Variants in NRK observed in about 807,000 individuals in gnomAD.
NRK encodes the protein nik-related protein kinase.
Under a neutral mutation model 125.2 loss-of-function variants are expected in NRK, and 67 were observed. The ratio of observed to expected loss-of-function variants is 0.54; its 90% CI spans 0.44 to 0.66. NRK has a LOEUF of 0.66. Ranked by LOEUF, NRK falls within the 30% of genes least tolerant of loss-of-function variation. NRK has a pLI of 0.00. For synonymous variants in NRK, 458 were observed against 429.0 expected (o/e 1.07, Z -0.84); for missense variants, 1,224 against 1,192.9 (o/e 1.03, Z -0.38).
intron 15 of NRK, among the ~76,000 whole-genome samples, chrX:105,916,123 T>A (rs1294533602): frequency 1.8e-5 from 2 of 111,396 alleles, no homozygotes; most frequent in African/African-American, 6.5e-5. Flanking sequence ...AAATTTCAAG[T>A]GAATTTTCAC....
intron 4 of NRK, among the ~76,000 whole-genome samples, chrX:105,882,153 G>A (rs756129675): frequency 5.4e-5 from 6 of 110,882 alleles, no homozygotes; most frequent in Middle Eastern, 4.6e-3. Context: ...CTTTTCACAC[G>A]TTTATCATGA....
In NRK at chrX:105,955,638, TG is replaced by T. The variant is rs761317481; in HGVS notation, c.*39del. ...ATTTATTACCACATTATAAACATCA[TG>T]TATAGGCAGTCTGCATCTTCAGATT... On this transcript the variant is annotated 3_prime_UTR_variant, in exon 29 of 29. Coordinates refer to ENST00000243300, the MANE Select transcript of NRK (RefSeq NM_198465.4). 5.9e-6 allele frequency: 4 copies of T among 680,775 alleles called. No homozygotes were observed. Among genetic ancestry groups the T allele is most frequent in the Non-Finnish European group, 6.9e-6 (3 of 433,226 alleles). 56.1% of individuals were successfully genotyped at this position (680,775 alleles called of 1,213,427 possible).
chrX:105,870,986 G>GA (rs1003355032), intron 2 of NRK, among the ~76,000 whole-genome samples: 10 of 109,570 alleles, frequency 9.1e-5, no homozygotes, highest in South Asian at 3.8e-4. Context: ...GGTATGTTAA[G>GA]AAAAAAAAAT....
At chrX:105,849,048 C>A (rs1463020045) in intron 2 of NRK, among the ~76,000 whole-genome samples, 1 of 111,775 alleles carries the variant, frequency 8.9e-6, no homozygotes, top group Non-Finnish European at 1.9e-5. Flanking sequence ...TTATGCGGCC[C>A]TGTGTATTAG....
At chrX:105,888,956 C>A (rs1436143179) in intron 5 of NRK, among the ~76,000 whole-genome samples, 1 of 111,463 alleles carries the variant, frequency 9.0e-6, no homozygotes, top group Non-Finnish European at 1.9e-5. Flanking sequence ...CAAATCTCAT[C>A]TCCTCAGGTT....
rs189015212 is a variant in NRK at position 105,923,592 on chromosome X, T to G, written c.2975+110T>G. ...ACCAAGAGAGTGACCTAATTTCACTTGCATTTTAGTAAATAGTTTGATTGT... is the reference window on the plus strand; with the variant it reads ...ACCAAGAGAGTGACCTAATTTCACTGGCATTTTAGTAAATAGTTTGATTGT... On this transcript the variant is annotated intron_variant, in intron 18 of 28. Transcript: ENST00000243300. 2.4e-5 allele frequency: 11 copies of G among 467,877 alleles called. No individual in the cohort carries two copies. In the African/African-American group the frequency reaches 2.5e-4, roughly 11 times the overall value. 38.6% of individuals were successfully genotyped at this position (467,877 alleles called of 1,213,427 possible). A position where few individuals can be genotyped will look rare whatever the true frequency, so the allele number is the denominator to read the frequency against.
intron 24 of NRK, among the ~76,000 whole-genome samples, chrX:105,945,490 A>G (rs1288458913): frequency 8.9e-6 from 1 of 111,924 alleles, no homozygotes; most frequent in Non-Finnish European, 1.9e-5. Flanking sequence ...AGTCAACCCT[A>G]AGACAAATCA....
intron 17 of NRK, among the ~76,000 whole-genome samples, chrX:105,922,452 T>C (rs1484316289): frequency 1.8e-5 from 2 of 111,694 alleles, no homozygotes; most frequent in Non-Finnish European, 3.8e-5. Context: ...AAACAGAGTG[T>C]CCTCTGACTG....
At chrX:105,925,098 T>C in intron 19 of NRK, 67 bp downstream of exon 19, 1 of 784,757 alleles carries the variant, frequency 1.3e-6, no homozygotes, top group Non-Finnish European at 1.9e-6. Flanking sequence ...ATGGGACATG[T>C]AGCATTTCTA....
chrX:105,928,665 A>G (rs749973870), intron 19 of NRK, among the ~76,000 whole-genome samples: 4 of 111,111 alleles, frequency 3.6e-5, no homozygotes, highest in Non-Finnish European at 7.6e-5. Context: ...GCTGTCTCCT[A>G]TAAGTTTTGG....
chrX:105,873,395 A>G (rs756335553), intron 2 of NRK, among the ~76,000 whole-genome samples: 1 of 111,471 alleles, frequency 9.0e-6, no homozygotes, highest in African/African-American at 3.3e-5. Flanking sequence ...GTAATCCCCA[A>G]GAAATTGATC....
Position 105,909,633 on chromosome X carries a change from C to T in NRK, c.1992C>T (p.Thr664=), listed in dbSNP as rs371793705. The T allele has an allele frequency of 8.3e-7, 1 of 1,201,904 alleles. No individual in the cohort carries two copies. ...NNSKPLGPLQ[T]LMENLSSNRF... is the part of the protein sequence containing the mutation. ...CAAAGCCACTTGGTCCGTTGCAAAC[C>T]CTGATGGAAAATCTGTCATCAAATA... The change falls in exon 13 of 29, where the codon ACC becomes ACT. Residue 664 remains threonine (T), a synonymous_variant. Coordinates refer to ENST00000243300, the MANE Select transcript of NRK (RefSeq NM_198465.4).
chrX:105,848,880 GT>G (rs2039434178), intron 2 of NRK, among the ~76,000 whole-genome samples: 1 of 112,166 alleles, frequency 8.9e-6, no homozygotes. Context: ...TCCAGAATCT[GT>G]TTCCACCATT....
intron 1 of NRK, among the ~76,000 whole-genome samples, chrX:105,824,082 C>A (rs1157186671): frequency 1.8e-5 from 2 of 111,971 alleles, no homozygotes; most frequent in Admixed American, 1.9e-4. Flanking sequence ...ACATTAGATG[C>A]TATATGTGGA....
chrX:105,886,489 T>TTA (rs202247079), intron 4 of NRK, among the ~76,000 whole-genome samples: 2 of 104,050 alleles, frequency 1.9e-5, no homozygotes, highest in Admixed American at 1.1e-4. Context: ...GATAATTATA[T>TTA]TATATATATT....
At chrX:105,931,689 A>T (rs2040596771) in intron 19 of NRK, among the ~76,000 whole-genome samples, 1 of 110,713 alleles carries the variant, frequency 9.0e-6, no homozygotes, top group Non-Finnish European at 1.9e-5. Flanking sequence ...CTGCACTCCA[A>T]CACTCTCCCT....
chrX:105,826,194 TATATTATC>T (rs1488549364), intron 1 of NRK, among the ~76,000 whole-genome samples: 1 of 90,010 alleles, frequency 1.1e-5, no homozygotes, highest in Non-Finnish European at 2.1e-5. Context: ...TATGTGATAA[TATATTATC>T]ATATATATAA....
At chrX:105,889,677 G>A (rs1265047529) in intron 5 of NRK, among the ~76,000 whole-genome samples, 1 of 112,599 alleles carries the variant, frequency 8.9e-6, no homozygotes, top group Non-Finnish European at 1.9e-5. Context: ...TGCATCAGCA[G>A]GCTCAACACC....
rs772456073 is a variant in NRK at position 105,955,803 on chromosome X, C to T, written c.*203C>T. The T allele has an allele frequency of 1.2e-5, 4 of 327,374 alleles. No individual in the cohort carries two copies. In the South Asian group the frequency reaches 2.3e-4, roughly 19 times the overall value. 27.0% of individuals were successfully genotyped at this position (327,374 alleles called of 1,213,427 possible). A position where few individuals can be genotyped will look rare whatever the true frequency, so the allele number is the denominator to read the frequency against. ...TAACTATAGCAAGCTCTAGGTACTC[C>T]AATGGTGTACAATGTCTTTTGCACA... On this transcript the variant is annotated 3_prime_UTR_variant, in exon 29 of 29. Transcript: ENST00000243300.
Sources: allele counts gnomAD v4.1 joint callset (sites outside exome capture counted in the v4.1 genomes callset), GRCh38; gene constraint gnomAD v4.1.1; transcripts MANE v1.5; gene names NCBI Gene and HGNC (gene_info 2026-07-23, HGNC 2026-07-21).